The following CDH23 variants were observed in gnomAD, a reference collection of about 807,000 sequenced individuals.
CDH23 encodes the protein cadherin related 23.
Under a neutral mutation model 317.1 loss-of-function variants are expected in CDH23, and 189 were observed. That is an observed-to-expected ratio of 0.60 (90% CI 0.53 to 0.67). The LOEUF (loss-of-function observed/expected upper bound fraction) is 0.67, where lower values mean the gene tolerates loss of function less well. CDH23 is among the 30% of genes least tolerant of loss of function. The pLI is 0.00. For synonymous variants in CDH23, 1,839 were observed against 1,876.8 expected, an observed-to-expected ratio of 0.98 and a Z score of 0.52; for missense variants, 4,401 against 4,592.4, an observed-to-expected ratio of 0.96 and a Z score of 1.20.
chr10:71,798,371 G>T lies in CDH23; in HGVS notation c.6847G>T (p.Val2283Phe), dbSNP rs41281334. The T allele has an allele frequency of 1.2e-6, 2 of 1,613,738 alleles. No homozygotes were observed. Among genetic ancestry groups the T allele is most frequent in the Non-Finnish European group, 1.7e-6 (2 of 1,179,682 alleles). ...SVPNAKLTVNVLDVNDNTPQF... is the reference protein window; with the variant it reads ...SVPNAKLTVNFLDVNDNTPQF... ...CACCACAGCCAAGCTGACTGTCAAC[G>T]TCCTGGACGTCAATGACAATACGCC... Residue 2283 changes from valine (V) to phenylalanine (F), a missense_variant, in exon 50 of 70, where the codon GTC (valine) becomes TTC (phenylalanine). Physicochemically the swap from Val to Phe is conservative, Grantham distance 50. Transcript: ENST00000224721.
intron 9 of CDH23, among the ~76,000 whole-genome samples, chr10:71,595,331 C>A (rs1859766388): frequency 6.6e-6 from 1 of 151,962 alleles, no homozygotes; most frequent in Non-Finnish European, 1.5e-5. Context: ...CTTTCTGTAT[C>A]CCTCCCCTCC....
intron 3 of CDH23, among the ~76,000 whole-genome samples, chr10:71,449,538 T>C (rs1850331843): frequency 6.6e-6 from 1 of 152,102 alleles, no homozygotes; most frequent in African/African-American, 2.4e-5. Context: ...TATGACATAC[T>C]ATATATATAG....
At chr10:71,717,109 G>C (rs552851486) in intron 28 of CDH23, 14 of 152,262 alleles carry the variant, frequency 9.2e-5, no homozygotes, top group African/African-American at 3.4e-4. Context: ...TTGCTCCCAC[G>C]ACAGGTGGGA....
At chr10:71,761,892 A>G in intron 38 of CDH23, 3 of 1,614,120 alleles carry the variant, frequency 1.9e-6, no homozygotes, top group Non-Finnish European at 2.5e-6. Flanking sequence ...GAGCTGCGGT[A>G]CCACGTCTTG....
At chr10:71,672,049 T>G (rs1378142845) in intron 14 of CDH23, among the ~76,000 whole-genome samples, 1 of 151,780 alleles carries the variant, frequency 6.6e-6, no homozygotes. Flanking sequence ...CACATCCTGG[T>G]TGGGGGAGAC....
chr10:71,662,156 G>A (rs950203555), intron 14 of CDH23, among the ~76,000 whole-genome samples: 17 of 151,954 alleles, frequency 1.1e-4, no homozygotes, highest in Admixed American at 6.6e-4. Flanking sequence ...GCGGAGTGAC[G>A]GAGATGTCAG....
At chr10:71,581,889 G>C (rs1295640528) in intron 9 of CDH23, among the ~76,000 whole-genome samples, 1 of 152,198 alleles carries the variant, frequency 6.6e-6, no homozygotes, top group Admixed American at 6.5e-5. Flanking sequence ...TCAAGGGGCA[G>C]CTGCACTCAC....
In CDH23 at chr10:71,439,815, T is replaced by C. The variant is rs1245284947; in HGVS notation, c.-5-12T>C. ...AAGCTTCTCACCCTCTTCTCTTTCTTTGTGTCCCCAGGAGCCATGGGGCGC... is the reference window on the plus strand; with the variant it reads ...AAGCTTCTCACCCTCTTCTCTTTCTCTGTGTCCCCAGGAGCCATGGGGCGC... On this transcript the variant is annotated splice_polypyrimidine_tract_variant and intron_variant, in intron 1 of 69. Coordinates refer to ENST00000224721, the MANE Select transcript of CDH23 (RefSeq NM_022124.6). 6.4e-7 allele frequency: 1 copy of C among 1,555,460 alleles called. No individual in the cohort carries two copies.
At chr10:71,639,556 G>A (rs1000958811) in intron 11 of CDH23, among the ~76,000 whole-genome samples, 6 of 152,336 alleles carry the variant, frequency 3.9e-5, no homozygotes, top group African/African-American at 1.2e-4. Context: ...GAGCTGCATG[G>A]TTAAGAGCTC....
At position 71,571,067 on chromosome 10, in the gene CDH23, C is replaced by G. The variant is rs1564659966; in HGVS notation, c.753+149C>G. 66 of 813,162 alleles carry G rather than the reference C, an allele frequency of 8.1e-5. No individual in the cohort carries two copies. In the South Asian group the frequency reaches 1.2e-3, roughly 14 times the overall value. The allele number at this position is 813,162 out of a possible 1,614,324, so 50.4% of individuals were successfully genotyped here. A position where few individuals can be genotyped will look rare whatever the true frequency, so the allele number is the denominator to read the frequency against. ...CGTGGCAGTGATGAGTGTTCTGGCA[C>G]AGCGAAACCCCAGCCACTCTTCACA... On this transcript the variant is annotated intron_variant, in intron 8 of 69. Transcript: ENST00000224721.
In CDH23 at chr10:71,576,742, TG is replaced by T. The variant is rs908551402; in HGVS notation, c.754-1168del. Among the ~76,000 whole-genome samples the T allele has an allele frequency of 4.6e-5, 7 of 152,276 alleles. No homozygotes were observed. The South Asian group carries it at 1.5e-3, about 32-fold the overall frequency. On this transcript the variant is annotated intron_variant, in intron 8 of 69. Transcript: ENST00000224721. The stretch of plus-strand genomic sequence containing the variant: ...GCACTGGCCATGGTGTGATAGGACC[TG>T]GGGAACCAAGTAAAGGCTGCCCCAG...
intron 18 of CDH23, among the ~76,000 whole-genome samples, chr10:71,685,428 C>T (rs943589185): frequency 2.0e-5 from 3 of 152,184 alleles, no homozygotes; most frequent in African/African-American, 2.4e-5. Context: ...TAAAAGGGGC[C>T]GGAGCATGCA....
At chr10:71,626,214 G>C (rs140183318) in intron 11 of CDH23, among the ~76,000 whole-genome samples, 2 of 152,238 alleles carry the variant, frequency 1.3e-5, no homozygotes, top group Non-Finnish European at 2.9e-5. Flanking sequence ...CTGAGAAGGG[G>C]GTGCCTGGGC....
rs780270956 is a variant in CDH23 at position 71,706,998 on chromosome 10, T to C, written c.3055T>C (p.Cys1019Arg). 6.2e-6 allele frequency: 10 copies of C among 1,608,386 alleles called. No homozygotes were observed. The highest frequency in any genetic ancestry group is 8.5e-6 in the Non-Finnish European group (10 of 1,177,504). Residue 1019 changes from cysteine (C) to arginine (R), a missense_variant, in exon 26 of 70, where the codon TGC (cysteine) becomes CGC (arginine). Coordinates refer to ENST00000224721, the MANE Select transcript of CDH23 (RefSeq NM_022124.6). ...PREFRVVWLN[C>R]TDNDVGLNAE... is the part of the protein sequence containing the mutation. The stretch of plus-strand genomic sequence containing the variant: ...CGAGTTCCGGGTGGTCTGGCTGAAC[T>C]GCACGGACAACGACGTGGGCCTCAA...
chr10:71,672,032 TG>T (rs1864169181), intron 14 of CDH23, among the ~76,000 whole-genome samples: 1 of 152,062 alleles, frequency 6.6e-6, no homozygotes, highest in South Asian at 2.1e-4. Context: ...CGCTGCCCTC[TG>T]GGAGCCACAT....
chr10:71,458,713 A>C (rs1422792309), intron 3 of CDH23, among the ~76,000 whole-genome samples: 1 of 152,254 alleles, frequency 6.6e-6, no homozygotes, highest in Non-Finnish European at 1.5e-5. Flanking sequence ...GTATTTACTA[A>C]TAGAGCTGCA....
intron 53 of CDH23, among the ~76,000 whole-genome samples, chr10:71,801,156 T>C (rs1189861316): frequency 7.1e-6 from 1 of 141,770 alleles, no homozygotes; most frequent in Non-Finnish European, 1.5e-5. Flanking sequence ...CTCTCTTTTT[T>C]TTTTTTTTTT....
chr10:71,423,438 C>G (rs1564570326), intron 1 of CDH23, among the ~76,000 whole-genome samples: 1 of 152,228 alleles, frequency 6.6e-6, no homozygotes, highest in East Asian at 1.9e-4. Flanking sequence ...CTGCTGCAGG[C>G]TCTGGGCAAG....
intron 26 of CDH23, among the ~76,000 whole-genome samples, chr10:71,707,922 C>T (rs78303284): frequency 6.6e-5 from 10 of 152,120 alleles, no homozygotes; most frequent in Non-Finnish European, 1.2e-4. Flanking sequence ...GGCTTTGCTG[C>T]GGCCAACGTG....
Sources: gnomAD v4.1 joint callset for allele counts (sites outside exome capture counted in the v4.1 genomes callset) on GRCh38, gnomAD v4.1.1 for gene constraint, MANE v1.5 for transcripts, NCBI Gene and HGNC (gene_info 2026-07-23, HGNC 2026-07-21) for gene names.